The following RUNX1 variants were observed in gnomAD, a reference collection of about 807,000 sequenced individuals.
RUNX1 encodes RUNX family transcription factor 1.
Under a neutral mutation model 42.8 loss-of-function variants are expected in RUNX1, and 19 were observed. The ratio of observed to expected loss-of-function variants is 0.44; its 90% CI spans 0.31 to 0.65. The LOEUF is 0.65. Among genes scored for constraint, RUNX1 ranks in the 30% least tolerant of loss-of-function variants. The pLI, the probability that RUNX1 is intolerant of heterozygous loss-of-function variation, is 0.07. For synonymous variants in RUNX1, 271 were observed against 289.4 expected (o/e 0.94, Z 0.64); for missense variants, 528 against 672.0 (o/e 0.79, Z 2.37).
rs796680885 is a variant in RUNX1, at chr21:34,843,713, C to T, written c.614-9112G>A. ...CACCATGCGCCCAAGACTCACGGGA[C>T]AAAAACCCAAACAAAACTCTGCTCC... On this transcript the variant is annotated intron_variant, in intron 6 of 8. Coordinates refer to ENST00000675419, the MANE Select transcript of RUNX1 (RefSeq NM_001754.5). This position sits in a 1 kb window ranked among gnomAD's most constrained non-coding sequence, Gnocchi z 4.8. 4.0e-5 allele frequency among the ~76,000 whole-genome samples: 6 copies of T among 151,822 alleles called. No individual in the cohort carries two copies. The South Asian group carries it at 1.2e-3, about 32-fold the overall frequency.
rs527904100 is a variant in RUNX1 at position 34,974,037 on chromosome 21, C to T, written c.58+74805G>A. ...TGTTTCAGATCTCTTTGCCTCCACA[C>T]GTAGATGGAGCTTTAGGCTATGCTC... On this transcript the variant is annotated intron_variant, in intron 2 of 8. Coordinates refer to ENST00000675419, the MANE Select transcript of RUNX1 (RefSeq NM_001754.5). Among the ~76,000 whole-genome samples the T allele has an allele frequency of 8.5e-5, 13 of 152,248 alleles. No individual in the cohort carries two copies. The East Asian group carries it at 1.9e-3, about 23-fold the overall frequency.
intron 2 of RUNX1, among the ~76,000 whole-genome samples, chr21:34,973,090 G>A (rs1259187961): frequency 6.6e-6 from 1 of 152,174 alleles, no homozygotes; most frequent in Admixed American, 6.5e-5. Flanking sequence ...GCTCACTAGA[G>A]ATAGGCAGTA....
In RUNX1 at chr21:34,880,696, A is replaced by T. The variant is rs768100078; in HGVS notation, c.369T>A (p.Asp123Glu). The stretch of plus-strand genomic sequence containing the variant: ...CAGTGACCAGAGTGCCATCTGGAAC[A>T]TCCCCTAGGGCCACCACCTAAACAC... ...PIAFKVVALG[D>E]VPDGTLVTVM... is the part of the protein sequence containing the mutation. Residue 123 changes from aspartate to glutamate, a missense_variant, in exon 5 of 9, where the codon GAT becomes GAA. Asp to Glu is a conservative substitution (Grantham distance 45). Transcript: ENST00000675419. The T allele has an allele frequency of 1.9e-6, 3 of 1,614,152 alleles. No individual in the cohort carries two copies. In the Admixed American group the frequency reaches 5.0e-5, roughly 27 times the overall value.
intron 2 of RUNX1, among the ~76,000 whole-genome samples, chr21:34,896,867 G>C (rs900754501): frequency 1.3e-5 from 2 of 152,128 alleles, no homozygotes; most frequent in Non-Finnish European, 2.9e-5. Context: ...AGCAGAAATG[G>C]AGCAGAGAGT....
intron 6 of RUNX1, among the ~76,000 whole-genome samples, chr21:34,852,603 C>T (rs1391350005): frequency 1.3e-5 from 2 of 152,168 alleles, no homozygotes; most frequent in Non-Finnish European, 2.9e-5. Context: ...GGGGGAAGTT[C>T]CCCCAGAACT....
chr21:34,790,638 A>G lies in RUNX1; in HGVS notation c.*1497T>C, dbSNP rs2056422374. On this transcript the variant is annotated 3_prime_UTR_variant, in exon 9 of 9. Transcript: ENST00000675419. ...ACAGGTAAAAGCCCATATACCCCAT[A>G]GGGTAGGGTCTCAGCCTGGTGAAAG... 3 of 233,274 alleles carry G rather than the reference A, an allele frequency of 1.3e-5. No homozygotes were observed. In the East Asian group the frequency reaches 1.8e-4, roughly 14 times the overall value. 14.5% of individuals were successfully genotyped at this position (233,274 alleles called of 1,614,324 possible).
rs2146363293 is a variant in RUNX1 at position 34,880,680 on chromosome 21, G to C, written c.385C>G (p.Leu129Val). The C allele has an allele frequency of 1.9e-6, 3 of 1,614,114 alleles. No individual in the cohort carries two copies. ...TCATTGCCAGCCATCACAGTGACCA[G>C]AGTGCCATCTGGAACATCCCCTAGG... is the stretch of plus-strand genomic sequence containing the variant. ...VALGDVPDGT[L>V]VTVMAGNDEN... The change falls in exon 5 of 9, where the codon CTG becomes GTG. Residue 129 changes from leucine (L) to valine (V), a missense_variant. Leu to Val is a conservative substitution (Grantham distance 32, BLOSUM62 1). Transcript: ENST00000675419.
At chr21:34,925,875 T>C (rs886785734) in intron 2 of RUNX1, among the ~76,000 whole-genome samples, 2 of 152,108 alleles carry the variant, frequency 1.3e-5, no homozygotes, top group African/African-American at 4.8e-5. Flanking sequence ...GAGTTCACAA[T>C]AGTCAGAAGG....
intron 2 of RUNX1, among the ~76,000 whole-genome samples, chr21:34,998,510 C>T (rs998060615): frequency 6.6e-6 from 1 of 152,034 alleles, no homozygotes. Context: ...GCCCAGTCCT[C>T]ATCTCATCTG....
At chr21:35,018,055 TCA>T (rs1267997303) in intron 2 of RUNX1, among the ~76,000 whole-genome samples, 2 of 152,212 alleles carry the variant, frequency 1.3e-5, no homozygotes, top group Admixed American at 6.5e-5. Context: ...AGATGGAGTC[TCA>T]CTCTGTTACC....
intron 2 of RUNX1, among the ~76,000 whole-genome samples, chr21:35,042,751 C>G (rs1250674067): frequency 6.6e-6 from 1 of 152,232 alleles, no homozygotes; most frequent in African/African-American, 2.4e-5. Context: ...TCAGCCTGGA[C>G]TGCTCACTCT....
At chr21:34,983,332 T>C (rs1176404563) in intron 2 of RUNX1, among the ~76,000 whole-genome samples, 2 of 152,214 alleles carry the variant, frequency 1.3e-5, no homozygotes, top group Non-Finnish European at 2.9e-5. Flanking sequence ...TCTCAAACTC[T>C]TAACAGACTT....
intron 2 of RUNX1, among the ~76,000 whole-genome samples, chr21:35,006,566 C>G (rs945865491): frequency 2.0e-5 from 3 of 152,172 alleles, no homozygotes; most frequent in African/African-American, 7.2e-5. Context: ...GTTAGGCAAC[C>G]TCTCTGGATC....
chr21:34,798,982 A>T (rs899187757), intron 8 of RUNX1, among the ~76,000 whole-genome samples: 2 of 152,210 alleles, frequency 1.3e-5, no homozygotes, highest in African/African-American at 4.8e-5. Flanking sequence ...ATTTGGAATA[A>T]TGAGTCCTAA....
At position 34,886,187 on chromosome 21, in the gene RUNX1, T is replaced by C. The variant is rs186643564; in HGVS notation, c.351+656A>G. ...TAATCTAGGTGAGCTGATGATAGCA[T>C]TCAGAACGGTTCCGGGAAAAGAAAC... On this transcript the variant is annotated intron_variant, in intron 4 of 8. Transcript: ENST00000675419. 5.1e-4 allele frequency among the ~76,000 whole-genome samples: 77 copies of C among 152,332 alleles called. 1 individual carries two copies. The East Asian group carries it at 9.8e-3, about 19-fold the overall frequency.
chr21:35,012,337 T>C (rs991657625), intron 2 of RUNX1, among the ~76,000 whole-genome samples: 3 of 152,188 alleles, frequency 2.0e-5, no homozygotes, highest in Middle Eastern at 3.2e-3. Flanking sequence ...GAAAAACAAG[T>C]AGAATATTAA....
rs750500258 is a variant in RUNX1 at position 34,887,026 on chromosome 21, C to T, written c.168G>A (p.Leu56=). The part of the protein sequence containing the change: ...ALSPGKMSEA[L]PLGAPDAGAA... ...CGCCGGCGTCCGGGGCGCCCAGCGG[C>T]AACGCCTCGCTCATCTTGCCTGGGC... Residue 56 remains leucine, a synonymous_variant, in exon 4 of 9, where the codon TTG becomes TTA. Coordinates refer to ENST00000675419, the MANE Select transcript of RUNX1 (RefSeq NM_001754.5). The T allele has an allele frequency of 6.2e-7, 1 of 1,601,516 alleles. No individual in the cohort carries two copies. Among genetic ancestry groups the T allele is most frequent in the South Asian group, 1.1e-5 (1 of 90,944 alleles).
chr21:35,037,977 C>CA (rs1355769469), intron 2 of RUNX1, among the ~76,000 whole-genome samples: 1 of 151,786 alleles, frequency 6.6e-6, no homozygotes, highest in Non-Finnish European at 1.5e-5. Context: ...GCTTCGGGGC[C>CA]ACGTTCTTGA....
chr21:34,846,511 C>G (rs2057318659), intron 6 of RUNX1, among the ~76,000 whole-genome samples: 1 of 152,026 alleles, frequency 6.6e-6, no homozygotes, highest in Non-Finnish European at 1.5e-5. Context: ...TGATAAAGAC[C>G]TTAAAAATCA....
Sources: allele counts gnomAD v4.1 joint callset (sites outside exome capture counted in the v4.1 genomes callset), GRCh38; gene constraint gnomAD v4.1.1; non-coding constraint Gnocchi (gnomAD v3.1); transcripts MANE v1.5; gene names NCBI Gene and HGNC (gene_info 2026-07-23, HGNC 2026-07-21).